CSMD2: variants seen among roughly 807,000 people sequenced by gnomAD.
CSMD2 encodes CUB and Sushi multiple domains 2, also known as CUB and sushi domain-containing protein 2.
CSMD2 carries 130 observed loss-of-function variants against 398.5 expected under a neutral mutation model. That is an observed-to-expected ratio of 0.33 (90% CI 0.28 to 0.38). The LOEUF is 0.38. CSMD2 is among the 10% of genes least tolerant of loss of function. CSMD2 has a pLI of 1.00. For missense variants in CSMD2, 3,829 were observed against 4,764.9 expected, an observed-to-expected ratio of 0.80 and a Z score of 5.78; for synonymous variants, 1,828 against 1,908.5, an observed-to-expected ratio of 0.96 and a Z score of 1.10.
chr1:34,157,950 A>T (rs1289980798), intron 1 of CSMD2, among the ~76,000 whole-genome samples: 1 of 152,170 alleles, frequency 6.6e-6, no homozygotes, highest in Admixed American at 6.5e-5. Context: ...CTACCTGAGA[A>T]GGCCAAAGGG....
At chr1:33,829,058 T>C (rs532499667) in intron 6 of CSMD2, among the ~76,000 whole-genome samples, 52 of 152,356 alleles carry the variant, frequency 3.4e-4, no homozygotes, top group Admixed American at 1.2e-3. Flanking sequence ...ATCACCAGTG[T>C]TGCCTGTAGC....
intron 25 of CSMD2, among the ~76,000 whole-genome samples, chr1:33,687,102 A>G (rs184865281): frequency 1.3e-3 from 198 of 152,352 alleles, no homozygotes; most frequent in Non-Finnish European, 2.4e-3. Context: ...TGAGCAACAC[A>G]GCAAATAAGA....
intron 23 of CSMD2, among the ~76,000 whole-genome samples, chr1:33,699,223 T>G (rs1645525831): frequency 6.6e-6 from 1 of 152,258 alleles, no homozygotes; most frequent in South Asian, 2.1e-4. Flanking sequence ...CCCCGTAGCA[T>G]TTTTGCTAGC....
chr1:34,112,886 G>C (rs1359084735), intron 1 of CSMD2: 3 of 152,230 alleles, frequency 2.0e-5, no homozygotes, highest in Non-Finnish European at 4.4e-5. Flanking sequence ...ATGGCTGAGG[G>C]GCAGCTGGTG....
chr1:33,807,854 G>C (rs922995721), intron 10 of CSMD2, among the ~76,000 whole-genome samples: 1 of 152,016 alleles, frequency 6.6e-6, no homozygotes, highest in Non-Finnish European at 1.5e-5. Flanking sequence ...TGGTCAGAGG[G>C]GATTTTTGAA....
At chr1:33,945,294 T>C (rs1644805565) in intron 3 of CSMD2, among the ~76,000 whole-genome samples, 1 of 152,194 alleles carries the variant, frequency 6.6e-6, no homozygotes, top group South Asian at 2.1e-4. Flanking sequence ...ATTTGGAATA[T>C]GCTTATACTA....
intron 1 of CSMD2, among the ~76,000 whole-genome samples, chr1:34,092,046 A>G (rs952702037): frequency 2.6e-5 from 4 of 152,254 alleles, no homozygotes; most frequent in African/African-American, 9.6e-5. Context: ...ATGCAAAATA[A>G]TATACAAAAA....
intron 1 of CSMD2, among the ~76,000 whole-genome samples, chr1:34,089,903 G>GTC (rs1207895467): frequency 2.0e-5 from 3 of 152,030 alleles, no homozygotes; most frequent in Admixed American, 1.3e-4. Flanking sequence ...CTCCAGCCTT[G>GTC]TCTCTCTCTC....
chr1:34,154,406 T>C (rs574837971), intron 1 of CSMD2, among the ~76,000 whole-genome samples: 1 of 152,314 alleles, frequency 6.6e-6, no homozygotes, highest in African/African-American at 2.4e-5. Context: ...AGAACTATTC[T>C]CACACAGGGT....
At chr1:33,539,584 G>C (rs1295901468) in intron 60 of CSMD2, among the ~76,000 whole-genome samples, 5 of 152,188 alleles carry the variant, frequency 3.3e-5, no homozygotes, top group Admixed American at 1.3e-4. Flanking sequence ...ATTCACACGG[G>C]ACACCATCAA....
chr1:33,690,955 G>A (rs1645217344), intron 25 of CSMD2, among the ~76,000 whole-genome samples: 1 of 152,182 alleles, frequency 6.6e-6, no homozygotes. Context: ...AAAAGAGGCA[G>A]AAAGGACTCC....
intron 4 of CSMD2, among the ~76,000 whole-genome samples, chr1:33,927,764 C>T (rs1644175584): frequency 6.6e-6 from 1 of 152,126 alleles, no homozygotes; most frequent in Admixed American, 6.5e-5. Flanking sequence ...TGAGACGCTT[C>T]CTCCTGCTCC....
chr1:33,869,142 G>A (rs549965472), intron 5 of CSMD2: 1 of 152,370 alleles, frequency 6.6e-6, no homozygotes, highest in East Asian at 1.9e-4. Context: ...GCCACAGAGA[G>A]ATTTCAGTAG....
chr1:33,679,612 C>A (rs530284627), intron 25 of CSMD2, among the ~76,000 whole-genome samples: 8 of 152,264 alleles, frequency 5.3e-5, no homozygotes, highest in Middle Eastern at 3.4e-3. Flanking sequence ...AGAGTATTAT[C>A]ATAAATGAAA....
At chr1:33,894,902 C>T (rs1423050810) in intron 5 of CSMD2, among the ~76,000 whole-genome samples, 1 of 152,138 alleles carries the variant, frequency 6.6e-6, no homozygotes, top group East Asian at 1.9e-4. Context: ...ATCCTGTCTT[C>T]CACAGGGTCC....
intron 3 of CSMD2, among the ~76,000 whole-genome samples, chr1:33,984,834 A>AGGAG (rs1184672225): frequency 6.8e-6 from 1 of 146,858 alleles, no homozygotes; most frequent in Non-Finnish European, 1.5e-5. Context: ...GAAGGAGGGA[A>AGGAG]GGAGGAAGGA....
intron 65 of CSMD2, among the ~76,000 whole-genome samples, chr1:33,525,836 CACCA>C (rs1654724564): frequency 2.0e-5 from 3 of 152,130 alleles, no homozygotes; most frequent in African/African-American, 7.2e-5. Context: ...AGGCATGCAC[CACCA>C]TGCCCGGCTA....
chr1:33,534,829 C>T (rs1049040812), intron 62 of CSMD2, among the ~76,000 whole-genome samples: 7 of 152,174 alleles, frequency 4.6e-5, no homozygotes, highest in Non-Finnish European at 8.8e-5. Flanking sequence ...TTGATCCCTT[C>T]GACCCCACAA....
intron 50 of CSMD2, among the ~76,000 whole-genome samples, 161 bp from the exon 51 acceptor site, chr1:33,571,887 G>A (rs1283132749): frequency 6.6e-6 from 1 of 152,160 alleles, no homozygotes; most frequent in Non-Finnish European, 1.5e-5. Flanking sequence ...GGTGGGTTGG[G>A]TGGGGGATGT....
Sources: allele counts gnomAD v4.1 joint callset (sites outside exome capture counted in the v4.1 genomes callset), GRCh38; gene constraint gnomAD v4.1.1; transcripts MANE v1.5; gene names NCBI Gene and HGNC (gene_info 2026-07-23, HGNC 2026-07-21).